CTNNA3: variants seen among roughly 807,000 people sequenced by gnomAD.
CTNNA3 encodes the protein catenin alpha 3.
Under a neutral mutation model 95.7 loss-of-function variants are expected in CTNNA3, and 76 were observed. The observed-to-expected ratio is 0.79, with a 90% confidence interval of 0.66 to 0.96. The LOEUF (loss-of-function observed/expected upper bound fraction) is 0.96. Among genes scored for constraint, CTNNA3 ranks in the 40% least tolerant of loss-of-function variants. The pLI is 0.00. For missense variants in CTNNA3, 1,191 were observed against 1,089.8 expected (o/e 1.09, Z -1.31); for synonymous variants, 431 against 374.4 (o/e 1.15, Z -1.74).
intron 5 of CTNNA3, among the ~76,000 whole-genome samples, chr10:67,479,029 T>C (rs1184679386): frequency 6.6e-6 from 1 of 152,080 alleles, no homozygotes; most frequent in Non-Finnish European, 1.5e-5. Context: ...TACACAACGA[T>C]AAAAGGTTTG....
chr10:67,489,521 G>C (rs1848574846), intron 5 of CTNNA3, among the ~76,000 whole-genome samples: 1 of 152,246 alleles, frequency 6.6e-6, no homozygotes, highest in South Asian at 2.1e-4. Context: ...AGCGTGGAAA[G>C]AGACCAAGAA....
intron 7 of CTNNA3, among the ~76,000 whole-genome samples, chr10:67,025,687 C>T (rs1853326891): frequency 6.6e-6 from 1 of 152,090 alleles, no homozygotes; most frequent in Non-Finnish European, 1.5e-5. Flanking sequence ...TATCATTACA[C>T]AACAACAACA....
At chr10:67,549,378 A>G (rs989544422) in intron 3 of CTNNA3, among the ~76,000 whole-genome samples, 1 of 152,192 alleles carries the variant, frequency 6.6e-6, no homozygotes, top group African/African-American at 2.4e-5. Flanking sequence ...AACCATGAGC[A>G]GAATGCATCT....
intron 11 of CTNNA3, among the ~76,000 whole-genome samples, chr10:66,394,170 T>TTACA (rs1260715850): frequency 2.6e-5 from 4 of 152,066 alleles, no homozygotes; most frequent in African/African-American, 9.7e-5. Flanking sequence ...TCTGCAAAGC[T>TTACA]TACATTGACT....
At chr10:66,457,159 T>C (rs979427517) in intron 11 of CTNNA3, among the ~76,000 whole-genome samples, 16 of 152,120 alleles carry the variant, frequency 1.1e-4, no homozygotes, top group African/African-American at 3.1e-4. Context: ...TAAGAGTTCT[T>C]AGAGATAATA....
In CTNNA3 at chr10:65,917,586, T is replaced by C. The variant is rs1319971762; in HGVS notation, c.*2744A>G. On this transcript the variant is annotated 3_prime_UTR_variant, in exon 18 of 18. Coordinates refer to ENST00000433211, the MANE Select transcript of CTNNA3 (RefSeq NM_013266.4). Reference sequence around the variant, plus strand: ...TCTCCTCCCTCTCAAGGAACGTTTTTCCCTATGTAAATTAACACAAATTGA... The same window carrying C: ...TCTCCTCCCTCTCAAGGAACGTTTTCCCCTATGTAAATTAACACAAATTGA... The C allele has an allele frequency of 6.6e-6, 1 of 152,114 alleles. No homozygotes were observed. The highest frequency in any genetic ancestry group is 1.5e-5 in the Non-Finnish European group (1 of 68,024). 9.4% of individuals were successfully genotyped at this position (152,114 alleles called of 1,614,324 possible). A position where few individuals can be genotyped will look rare whatever the true frequency, so the allele number is the denominator to read the frequency against.
chr10:66,876,132 T>C (rs1209113305), intron 7 of CTNNA3, among the ~76,000 whole-genome samples: 1 of 152,160 alleles, frequency 6.6e-6, no homozygotes, highest in East Asian at 1.9e-4. Flanking sequence ...TTCCTTACTG[T>C]TATTTCTTCA....
intron 5 of CTNNA3, among the ~76,000 whole-genome samples, chr10:67,465,969 T>C (rs1459293866): frequency 6.6e-6 from 1 of 152,212 alleles, no homozygotes; most frequent in Admixed American, 6.5e-5. Flanking sequence ...TCTATAGAAT[T>C]CCTGCAGGTA....
At chr10:66,465,252 C>T (rs10997149) in intron 11 of CTNNA3, among the ~76,000 whole-genome samples, 7 of 151,420 alleles carry the variant, frequency 4.6e-5, no homozygotes, top group Admixed American at 3.9e-4. Context: ...GAGTGGTACA[C>T]CATGAAATAT....
In CTNNA3 at chr10:67,564,558, G is replaced by A. The variant is rs557160406; in HGVS notation, c.293-24889C>T. ...ACCTAATGTGAATGATGAGTTAATC[G>A]GTGCAGCACACCAACATGGCACATG... On this transcript the variant is annotated intron_variant, in intron 3 of 17. Transcript: ENST00000433211. 1.8e-3 allele frequency among the ~76,000 whole-genome samples: 265 copies of A among 143,574 alleles called. 4 individuals are homozygous for A. Among genetic ancestry groups the A allele is most frequent in the South Asian group, 0.017 (68 of 4,020 alleles). The allele number at this position is 143,574 out of a possible 152,430, so 94.2% of individuals were successfully genotyped here. A position where few individuals can be genotyped will look rare whatever the true frequency, so the allele number is the denominator to read the frequency against.
chr10:66,664,779 A>G (rs926625619), intron 9 of CTNNA3, among the ~76,000 whole-genome samples: 2 of 152,080 alleles, frequency 1.3e-5, no homozygotes, highest in African/African-American at 4.8e-5. Context: ...ATGCTCATTG[A>G]AATAATGCCT....
intron 7 of CTNNA3, among the ~76,000 whole-genome samples, chr10:67,111,467 C>T (rs761035120): frequency 2.0e-5 from 3 of 151,970 alleles, no homozygotes; most frequent in Non-Finnish European, 4.4e-5. Flanking sequence ...GCTCTTTGCC[C>T]GTGGCTCAAT....
intron 11 of CTNNA3, among the ~76,000 whole-genome samples, chr10:66,421,630 C>T (rs2093193799): frequency 6.6e-6 from 1 of 151,334 alleles, no homozygotes; most frequent in Non-Finnish European, 1.5e-5. Context: ...GTCAAGAGAT[C>T]GAGACCATCC....
At chr10:67,297,412 A>G (rs1840087688) in intron 5 of CTNNA3, among the ~76,000 whole-genome samples, 1 of 152,216 alleles carries the variant, frequency 6.6e-6, no homozygotes, top group Non-Finnish European at 1.5e-5. Flanking sequence ...ATTAACAACT[A>G]GATGTAGTGC....
intron 6 of CTNNA3, among the ~76,000 whole-genome samples, chr10:67,202,800 C>T (rs1863708762): frequency 6.6e-6 from 1 of 151,844 alleles, no homozygotes; most frequent in Admixed American, 6.6e-5. Context: ...ATGTAACCTT[C>T]CAAAACAAAT....
chr10:66,215,960 G>A (rs1227631834), intron 13 of CTNNA3, among the ~76,000 whole-genome samples: 1 of 152,170 alleles, frequency 6.6e-6, no homozygotes, highest in African/African-American at 2.4e-5. Flanking sequence ...AGCAAAGGAA[G>A]GCAAACTCTC....
intron 1 of CTNNA3, among the ~76,000 whole-genome samples, chr10:67,730,527 A>G (rs1468931202): frequency 6.6e-6 from 1 of 152,320 alleles, no homozygotes; most frequent in Non-Finnish European, 1.5e-5. Flanking sequence ...ACCATGAAAG[A>G]GGAAGACATG....
intron 11 of CTNNA3, among the ~76,000 whole-genome samples, chr10:66,461,816 T>G (rs1471630674): frequency 8.9e-5 from 6 of 67,546 alleles, no homozygotes; most frequent in African/African-American, 2.5e-4. Flanking sequence ...TATCTCCAAT[T>G]TTTTTTTTTT....
At chr10:67,601,418 T>C (rs963090955) in intron 3 of CTNNA3, among the ~76,000 whole-genome samples, 2 of 152,172 alleles carry the variant, frequency 1.3e-5, no homozygotes, top group Admixed American at 6.5e-5. Flanking sequence ...TATGAGAATC[T>C]AATGCCGCAG....
Sources: gnomAD v4.1 joint callset for allele counts (sites outside exome capture counted in the v4.1 genomes callset) on GRCh38, gnomAD v4.1.1 for gene constraint, MANE v1.5 for transcripts, NCBI Gene and HGNC (gene_info 2026-07-23, HGNC 2026-07-21) for gene names.